MAPT: variants seen among roughly 807,000 people sequenced by gnomAD.
MAPT encodes microtubule-associated protein tau.
Under a neutral mutation model 67.9 loss-of-function variants are expected in MAPT, and 34 were observed. That is an observed-to-expected ratio of 0.50 (90% CI 0.38 to 0.67). The LOEUF is 0.67. MAPT is among the 30% of genes least tolerant of loss of function. The pLI is 0.00. For synonymous variants in MAPT, 456 were observed against 464.5 expected, an observed-to-expected ratio of 0.98 and a Z score of 0.23; for missense variants, 881 against 1,115.2, an observed-to-expected ratio of 0.79 and a Z score of 2.99.
In MAPT at chr17:45,914,353, T is replaced by TG. The variant is rs143853045; in HGVS notation, c.-18+19673dup. ...CTTTCTATGTGAGCAGAGGCATCCA[T>TG]GGGGGGACACACTGGTGAATCATCT... On this transcript the variant is annotated intron_variant, in intron 1 of 12. Coordinates refer to ENST00000262410, the MANE Select transcript of MAPT (RefSeq NM_001377265.1). 7.4e-3 allele frequency among the ~76,000 whole-genome samples: 1,119 copies of TG among 152,202 alleles called. 30 individuals are homozygous for TG. The East Asian group carries it at 0.098, about 13-fold the overall frequency.
chr17:45,948,971 G>A (rs1217713407), intron 1 of MAPT, among the ~76,000 whole-genome samples: 1 of 152,248 alleles, frequency 6.6e-6, no homozygotes, highest in Non-Finnish European at 1.5e-5. Flanking sequence ...ACCTGCAAGA[G>A]ATCCATTTAG....
chr17:45,966,815 C>G (rs1358269680), intron 2 of MAPT, among the ~76,000 whole-genome samples: 1 of 152,064 alleles, frequency 6.6e-6, no homozygotes, highest in Non-Finnish European at 1.5e-5. Flanking sequence ...ACTATATATA[C>G]TGTATATAAA....
chr17:45,941,704 T>C (rs1398895728), intron 1 of MAPT, among the ~76,000 whole-genome samples: 28 of 63,048 alleles, frequency 4.4e-4, no homozygotes, highest in Non-Finnish European at 5.9e-4. Context: ...CCTTCCTGCC[T>C]GCCTTCCTTC....
chr17:46,010,761 G>T lies in MAPT; in HGVS notation c.2091+359G>T, dbSNP rs2075770658. On this transcript the variant is annotated intron_variant, in intron 10 of 12. Transcript: ENST00000262410. The surrounding 1 kb of genome is among the most constrained non-coding windows in gnomAD (Gnocchi z 4.7). ...CCACTCATGCCCAGCCCTGTCCCCA[G>T]GAGCCCCATAGCCCATTGGAAGTTG... Among the ~76,000 whole-genome samples the T allele has an allele frequency of 6.6e-6, 1 of 152,236 alleles. No homozygotes were observed. The highest frequency in any genetic ancestry group is 6.5e-5 in the Admixed American group (1 of 15,288).
At chr17:45,997,421 C>G (rs899954320) in intron 9 of MAPT, among the ~76,000 whole-genome samples, 2 of 152,334 alleles carry the variant, frequency 1.3e-5, no homozygotes, top group East Asian at 1.9e-4. Flanking sequence ...AGTCTTCCCT[C>G]TGTGTGTGCT....
intron 3 of MAPT, chr17:45,973,430 A>G (rs1006228523): frequency 2.0e-5 from 3 of 152,196 alleles, no homozygotes; most frequent in African/African-American, 7.2e-5. Context: ...CCTCAACAGG[A>G]TTCTGGAAGA....
At chr17:45,952,771 G>C (rs2069214768) in intron 1 of MAPT, among the ~76,000 whole-genome samples, 1 of 152,212 alleles carries the variant, frequency 6.6e-6, no homozygotes, top group African/African-American at 2.4e-5. Flanking sequence ...TGAAGGTTGA[G>C]AGAAGTGGCT....
At chr17:45,946,615 A>AAAAAATATATATAT in intron 1 of MAPT, among the ~76,000 whole-genome samples, 5 of 100,398 alleles carry the variant, frequency 5.0e-5, no homozygotes, top group African/African-American at 1.7e-4. Flanking sequence ...AAAAAAAAAA[A>AAAAAATATATATAT]ATATATATAT....
intron 3 of MAPT, chr17:45,974,215 T>G: frequency 1.5e-6 from 1 of 648,096 alleles, no homozygotes; most frequent in Non-Finnish European, 2.8e-6. Flanking sequence ...GTGTGCTTCC[T>G]GGGGAGCTGG....
chr17:45,927,673 A>G (rs1418303398), intron 1 of MAPT, among the ~76,000 whole-genome samples: 3 of 152,152 alleles, frequency 2.0e-5, no homozygotes, highest in East Asian at 1.9e-4. Flanking sequence ...CAACCACCCT[A>G]GCTCTCTTCT....
At chr17:45,922,111 C>A (rs2065792701) in intron 1 of MAPT, among the ~76,000 whole-genome samples, 1 of 151,956 alleles carries the variant, frequency 6.6e-6, no homozygotes, top group East Asian at 1.9e-4. Flanking sequence ...CTCCCAGGTT[C>A]AAGCAATTCT....
intron 1 of MAPT, among the ~76,000 whole-genome samples, chr17:45,951,615 C>T (rs1194685847): frequency 6.6e-6 from 1 of 152,056 alleles, no homozygotes; most frequent in African/African-American, 2.4e-5. Context: ...TGTCTCCCTA[C>T]GAGGCATGAA....
intron 4 of MAPT, chr17:45,979,425 G>T (rs1036033158): frequency 2.6e-5 from 4 of 152,230 alleles, no homozygotes; most frequent in African/African-American, 7.2e-5. Flanking sequence ...CCAGTATTTA[G>T]AGCTGCCTCT....
Position 45,962,361 on chromosome 17 carries a change from C to G in MAPT, c.24C>G (p.Phe8Leu). The change falls in exon 2 of 13, where the codon TTC (phenylalanine) becomes TTG (leucine). Residue 8 changes from phenylalanine to leucine, a missense_variant. This residue lies in a region of MAPT where 687 missense variants were observed against 766.1 expected (regional missense o/e 0.90). Transcript: ENST00000262410. Reference sequence around the variant, plus strand: ...GGATGGCTGAGCCCCGCCAGGAGTTCGAAGTGATGGAAGATCACGCTGGGA... The same window carrying G: ...GGATGGCTGAGCCCCGCCAGGAGTTGGAAGTGATGGAAGATCACGCTGGGA... MAEPRQE[F>L]EVMEDHAGTY... is the part of the protein sequence containing the mutation. 6.2e-7 allele frequency: 1 copy of G among 1,612,122 alleles called. No homozygotes were observed. The highest frequency in any genetic ancestry group is 1.1e-5 in the South Asian group (1 of 90,952).
Position 46,010,075 on chromosome 17 carries a change from A to G in MAPT, c.1999-235A>G, listed in dbSNP as rs543305222. 3.3e-5 allele frequency among the ~76,000 whole-genome samples: 5 copies of G among 152,186 alleles called. No individual in the cohort carries two copies. In the South Asian group the frequency reaches 1.0e-3, roughly 32 times the overall value. ...GTAAAGCCCGCTGGAAATCACTCAC[A>G]CTTCTGGGATGCCTTCAGAGCAGCC... On this transcript the variant is annotated intron_variant, in intron 9 of 12. Coordinates refer to ENST00000262410, the MANE Select transcript of MAPT (RefSeq NM_001377265.1). This position sits in a 1 kb window ranked among gnomAD's most constrained non-coding sequence, Gnocchi z 4.7.
chr17:45,918,541 T>C (rs917937923), intron 1 of MAPT, among the ~76,000 whole-genome samples: 1 of 152,174 alleles, frequency 6.6e-6, no homozygotes, highest in Admixed American at 6.5e-5. Flanking sequence ...AGCCAGCAAC[T>C]GGCCCCTAGC....
chr17:45,945,081 C>A (rs908629136), intron 1 of MAPT, among the ~76,000 whole-genome samples: 3 of 152,174 alleles, frequency 2.0e-5, no homozygotes, highest in African/African-American at 2.4e-5. Flanking sequence ...TGGAGCGACT[C>A]CTCCTACATT....
chr17:45,993,590 T>A (rs55913645), intron 8 of MAPT, among the ~76,000 whole-genome samples: 22,070 of 152,272 alleles, frequency 0.14, 2,146 homozygotes, highest in Non-Finnish European at 0.22. Context: ...ATTTTTGTAT[T>A]TTTAGTAAAG....
intron 3 of MAPT, chr17:45,974,636 T>C (rs1230353251): frequency 4.8e-6 from 3 of 625,314 alleles, no homozygotes; most frequent in Middle Eastern, 4.3e-4. Context: ...GCTCGATGCC[T>C]TGGTGCTCAG....
Sources: allele counts gnomAD v4.1 joint callset (sites outside exome capture counted in the v4.1 genomes callset), GRCh38; gene constraint gnomAD v4.1.1; regional missense constraint gnomAD v4.1.1; non-coding constraint Gnocchi (gnomAD v3.1); transcripts MANE v1.5; gene names NCBI Gene and HGNC (gene_info 2026-07-23, HGNC 2026-07-21).